FOXP1: variants seen among roughly 807,000 people sequenced by gnomAD.
FOXP1 encodes forkhead box protein P1.
FOXP1 carries 15 observed loss-of-function variants against 98.2 expected under a neutral mutation model. The ratio of observed to expected loss-of-function variants is 0.15; its 90% CI spans 0.10 to 0.24. The LOEUF (loss-of-function observed/expected upper bound fraction) is 0.24. Ranked by LOEUF, FOXP1 falls within the 10% of genes least tolerant of loss-of-function variation. The probability of loss-of-function intolerance (pLI) is 1.00; values close to 1 mark genes in which losing one functional copy is unlikely to be tolerated. For missense variants in FOXP1, 633 were observed against 848.5 expected (o/e 0.75, Z 3.15); for synonymous variants, 371 against 314.5 (o/e 1.18, Z -1.90).
intron 6 of FOXP1, among the ~76,000 whole-genome samples, chr3:71,142,292 T>C (rs949800150): frequency 6.6e-6 from 1 of 152,224 alleles, no homozygotes; most frequent in Non-Finnish European, 1.5e-5. Flanking sequence ...GACCCTTACA[T>C]TCCTATGCCT....
intron 7 of FOXP1, among the ~76,000 whole-genome samples, chr3:71,060,563 A>G (rs953806400): frequency 1.2e-4 from 19 of 152,294 alleles, no homozygotes; most frequent in African/African-American, 4.1e-4. Context: ...AGCCATCTTC[A>G]GGAAAAAGTA....
At chr3:71,126,328 CAA>C (rs528792162) in intron 6 of FOXP1, among the ~76,000 whole-genome samples, 1 of 143,774 alleles carries the variant, frequency 7.0e-6, no homozygotes, top group Non-Finnish European at 1.5e-5. Context: ...ATTAAAAATA[CAA>C]AAAAAAAAAT....
rs1018045754 is a variant in FOXP1 at position 70,955,139 on chromosome 3, T to G, written c.*4108A>C. On this transcript the variant is annotated 3_prime_UTR_variant, in exon 21 of 21. Coordinates refer to ENST00000649528, the MANE Select transcript of FOXP1 (RefSeq NM_001349338.3). ...GTACCAAAAAGATTCAAAATCTGAA[T>G]AAGCACACTCTTCTTTGTGCCTTTG... 4.3e-6 allele frequency: 1 copy of G among 232,390 alleles called. No homozygotes were observed. The highest frequency in any genetic ancestry group is 6.1e-5 in the East Asian group (1 of 16,498). 14.4% of individuals were successfully genotyped at this position (232,390 alleles called of 1,614,324 possible).
chr3:70,955,234 A>T lies in FOXP1; in HGVS notation c.*4013T>A, dbSNP rs981200701. 4.3e-6 allele frequency: 1 copy of T among 232,798 alleles called. No individual in the cohort carries two copies. The highest frequency in any genetic ancestry group is 2.2e-5 in the African/African-American group (1 of 45,434). 14.4% of individuals were successfully genotyped at this position (232,798 alleles called of 1,614,324 possible). ...TTAACTCTATTTTTTTTCATGAGGA[A>T]AAAAAAGCTAGTGATTTACAGCCTA... On this transcript the variant is annotated 3_prime_UTR_variant, in exon 21 of 21. Coordinates refer to ENST00000649528, the MANE Select transcript of FOXP1 (RefSeq NM_001349338.3).
At chr3:71,564,473 C>T (rs1024631876) in intron 2 of FOXP1, among the ~76,000 whole-genome samples, 18 of 152,184 alleles carry the variant, frequency 1.2e-4, no homozygotes, top group Admixed American at 6.5e-5. Flanking sequence ...CATACACACA[C>T]ATTTATGGAA....
At chr3:71,212,726 C>T (rs1340728892) in intron 5 of FOXP1, among the ~76,000 whole-genome samples, 1 of 152,116 alleles carries the variant, frequency 6.6e-6, no homozygotes, top group African/African-American at 2.4e-5. Flanking sequence ...ATTAATCCAA[C>T]CTTTTTGTAA....
At chr3:71,086,027 C>T (rs140594153) in intron 7 of FOXP1, among the ~76,000 whole-genome samples, 6 of 152,194 alleles carry the variant, frequency 3.9e-5, no homozygotes, top group African/African-American at 1.2e-4. Context: ...CGCACATTTA[C>T]GGCCATTTTA....
chr3:71,033,223 G>T (rs1342670479), intron 11 of FOXP1, among the ~76,000 whole-genome samples: 1 of 152,116 alleles, frequency 6.6e-6, no homozygotes, highest in Non-Finnish European at 1.5e-5. Flanking sequence ...CTGTATCAGC[G>T]GCAGCGGCGC....
chr3:71,274,158 G>C (rs2070668077), intron 5 of FOXP1, among the ~76,000 whole-genome samples: 1 of 152,188 alleles, frequency 6.6e-6, no homozygotes, highest in African/African-American at 2.4e-5. Flanking sequence ...ACCATGCTGT[G>C]AGTTTCCTGA....
chr3:71,097,263 G>A (rs2056547636), intron 7 of FOXP1, among the ~76,000 whole-genome samples: 1 of 152,154 alleles, frequency 6.6e-6, no homozygotes, highest in African/African-American at 2.4e-5. Flanking sequence ...GTTTTGTGAT[G>A]TGAAAATTAT....
At chr3:71,478,154 C>T (rs552519516) in intron 3 of FOXP1, among the ~76,000 whole-genome samples, 3 of 152,246 alleles carry the variant, frequency 2.0e-5, no homozygotes, top group East Asian at 1.9e-4. Context: ...TTTAATCACT[C>T]GCTGAATCAC....
chr3:70,993,940 G>C (rs781669390), intron 13 of FOXP1, among the ~76,000 whole-genome samples: 3 of 150,976 alleles, frequency 2.0e-5, no homozygotes, highest in South Asian at 2.1e-4. Flanking sequence ...GTTGCAGTGA[G>C]CCGAGATCCT....
At chr3:71,264,969 G>A (rs1405545350) in intron 5 of FOXP1, among the ~76,000 whole-genome samples, 1 of 152,136 alleles carries the variant, frequency 6.6e-6, no homozygotes, top group South Asian at 2.1e-4. Flanking sequence ...ATCACATAGC[G>A]AGAAAGGTGC....
At chr3:70,995,275 A>G (rs1217066927) in intron 13 of FOXP1, among the ~76,000 whole-genome samples, 5 of 152,036 alleles carry the variant, frequency 3.3e-5, no homozygotes, top group African/African-American at 7.2e-5. Context: ...TTTCCTTACA[A>G]TCCTGGCCAT....
intron 7 of FOXP1, among the ~76,000 whole-genome samples, chr3:71,076,163 G>GA (rs1039185567): frequency 8.5e-5 from 13 of 152,114 alleles, no homozygotes; most frequent in Admixed American, 5.9e-4. Flanking sequence ...CCTGTCTCCA[G>GA]AAAGGCTGGC....
chr3:71,324,295 T>A (rs2075559808), intron 4 of FOXP1, among the ~76,000 whole-genome samples: 2 of 152,172 alleles, frequency 1.3e-5, no homozygotes, highest in Admixed American at 1.3e-4. Context: ...TAAATCATGC[T>A]GCTATAAAGA....
intron 6 of FOXP1, among the ~76,000 whole-genome samples, chr3:71,113,712 C>CAAAATAAAACAAAATAAAATAAAAT: frequency 9.8e-6 from 1 of 102,378 alleles, no homozygotes; most frequent in South Asian, 3.8e-4. Context: ...GCTTCCATCT[C>CAAAATAAAACAAAATAAAATAAAAT]AAAATAAAAT....
chr3:71,137,106 G>C (rs574056691), intron 6 of FOXP1, among the ~76,000 whole-genome samples: 1 of 152,344 alleles, frequency 6.6e-6, no homozygotes, highest in Non-Finnish European at 1.5e-5. Context: ...GAGGGGGTTA[G>C]TGTAGTGGGT....
At chr3:71,339,688 G>A (rs2076901349) in intron 4 of FOXP1, among the ~76,000 whole-genome samples, 1 of 152,196 alleles carries the variant, frequency 6.6e-6, no homozygotes, top group African/African-American at 2.4e-5. Flanking sequence ...TTGTGAACCA[G>A]GAATGCTGGT....
Sources: gnomAD v4.1 joint callset for allele counts (sites outside exome capture counted in the v4.1 genomes callset) on GRCh38, gnomAD v4.1.1 for gene constraint, MANE v1.5 for transcripts, NCBI Gene and HGNC (gene_info 2026-07-23, HGNC 2026-07-21) for gene names.